The following PRR12 variants were observed in gnomAD, a reference collection of about 807,000 sequenced individuals.
The protein encoded by PRR12 is proline-rich protein 12.
In PRR12, 12 loss-of-function variants were observed where a neutral mutation model predicts 138.0. The ratio of observed to expected loss-of-function variants is 0.09; its 90% CI spans 0.06 to 0.14. PRR12 has a LOEUF of 0.14. Ranked by LOEUF, PRR12 falls within the 10% of genes least tolerant of loss-of-function variation. The probability of loss-of-function intolerance (pLI) is 1.00; values close to 1 mark genes in which losing one functional copy is unlikely to be tolerated. For synonymous variants in PRR12, 1,567 were observed against 1,291.7 expected (o/e 1.21, Z -4.57); for missense variants, 2,692 against 2,861.3 (o/e 0.94, Z 1.35).
chr19:49,592,476 G>A (rs2080735204), intron 1 of PRR12, among the ~76,000 whole-genome samples: 1 of 152,112 alleles, frequency 6.6e-6, no homozygotes, highest in African/African-American at 2.4e-5. Context: ...CTGTGCGTGC[G>A]TGGCTGGCAG....
At chr19:49,621,700 G>C (rs1401483876) in intron 11 of PRR12, 78 bp downstream of exon 11, 12 of 1,193,106 alleles carry the variant, frequency 1.0e-5, no homozygotes, top group Non-Finnish European at 1.3e-5. Flanking sequence ...GGCCGCTGTT[G>C]GCGGGGGTGA....
In PRR12 at chr19:49,599,922, C is replaced by A; in HGVS notation, c.4329C>A (p.Asn1443Lys). 1 of 1,604,316 alleles carries A rather than the reference C, an allele frequency of 6.2e-7. No homozygotes were observed. Among genetic ancestry groups the A allele is most frequent in the Non-Finnish European group, 8.5e-7 (1 of 1,174,386 alleles). The change falls in exon 5 of 14, where the codon AAC becomes AAA. Residue 1443 changes from asparagine to lysine, a missense_variant. By Grantham distance (94) the Asn-to-Lys change is moderately conservative. Transcript: ENST00000418929. The surrounding 1 kb of genome is among the most constrained non-coding windows in gnomAD (Gnocchi z 5.0). ...CTCTTCCGGGGCTCCCCAGTGCCAA[C>A]AGCAATGGCACTCCCGGTGAGCTCT... ...PPPLPGLPSANSNGTPEPPLL... is the reference protein window; with the variant it reads ...PPPLPGLPSAKSNGTPEPPLL...
rs1467528446 is a variant in PRR12, at chr19:49,591,633, C to G, written c.-22C>G. ...CTCCCTCCCTCCCTCCCCCTCCCCC[C>G]AATTTCCACCGCGGCCAATTCATGG... On this transcript the variant is annotated 5_prime_UTR_variant, in exon 1 of 14. Transcript: ENST00000418929. 7.0e-6 allele frequency: 9 copies of G among 1,293,230 alleles called. No homozygotes were observed. The highest frequency in any genetic ancestry group is 8.2e-6 in the Non-Finnish European group (8 of 977,134). 80.1% of individuals were successfully genotyped at this position (1,293,230 alleles called of 1,614,324 possible). A position where few individuals can be genotyped will look rare whatever the true frequency, so the allele number is the denominator to read the frequency against.
Position 49,596,931 on chromosome 19 carries a change from C to G in PRR12, c.2596C>G (p.Pro866Ala). Residue 866 changes from proline to alanine, a missense_variant, in exon 4 of 14, where the codon CCC (proline) becomes GCC (alanine). Physicochemically the swap from Pro to Ala is conservative, Grantham distance 27 (BLOSUM62 -1). Around this residue, in one of 11 missense-constraint regions of PRR12, gnomAD observed 840 missense variants for 689.8 expected, o/e 1.22. Coordinates refer to ENST00000418929, the MANE Select transcript of PRR12 (RefSeq NM_020719.3). This position sits in a 1 kb window ranked among gnomAD's most constrained non-coding sequence, Gnocchi z 5.6. ...TGGCCTGGAGCCCGCGGCCCCCAGC[C>G]CCCGCCTGCGACCCGAGGAGAGCCT... ...SHGLEPAAPS[P>A]RLRPEESLDP... 1 of 1,549,290 alleles carries G rather than the reference C, an allele frequency of 6.5e-7. No individual in the cohort carries two copies. The highest frequency in any genetic ancestry group is 8.7e-7 in the Non-Finnish European group (1 of 1,153,608).
At chr19:49,619,155 T>C (rs1205278614) in intron 9 of PRR12, among the ~76,000 whole-genome samples, 1 of 151,644 alleles carries the variant, frequency 6.6e-6, no homozygotes, top group Non-Finnish European at 1.5e-5. Context: ...AATTAAGTGC[T>C]CTGAGCTATC....
chr19:49,617,648 A>G (rs1384016427), intron 9 of PRR12, among the ~76,000 whole-genome samples: 1 of 152,178 alleles, frequency 6.6e-6, no homozygotes, highest in Non-Finnish European at 1.5e-5. Flanking sequence ...AACTTCTTAA[A>G]TAAATAAAAG....
Position 49,593,358 on chromosome 19 carries a change from C to T in PRR12, c.118C>T (p.Pro40Ser). 6.2e-7 allele frequency: 1 copy of T among 1,612,076 alleles called. No homozygotes were observed. Among genetic ancestry groups the T allele is most frequent in the Non-Finnish European group, 8.5e-7 (1 of 1,179,190 alleles). The change falls in exon 2 of 14, where the codon CCC becomes TCC. Residue 40 changes from proline (P) to serine (S), a missense_variant. Physicochemically the swap from Pro to Ser is moderately conservative, Grantham distance 74. Coordinates refer to ENST00000418929, the MANE Select transcript of PRR12 (RefSeq NM_020719.3). Reference sequence around the variant, plus strand: ...TTATGGCAGCTCCAGGACCTCGCACCCCGAGACGGACATCTTACACCGCCA... The same window carrying T: ...TTATGGCAGCTCCAGGACCTCGCACTCCGAGACGGACATCTTACACCGCCA... ...LVYGSSRTSHPETDILHRQAY... is the reference protein window; with the variant it reads ...LVYGSSRTSHSETDILHRQAY...
At position 49,625,225 on chromosome 19, in the gene PRR12, C is replaced by T. The variant is rs970807854; in HGVS notation, c.5964+25C>T. 12 of 1,602,188 alleles carry T rather than the reference C, an allele frequency of 7.5e-6. No individual in the cohort carries two copies. The highest frequency in any genetic ancestry group is 1.3e-5 in the African/African-American group (1 of 74,632). On this transcript the variant is annotated intron_variant, in intron 13 of 13. Coordinates refer to ENST00000418929, the MANE Select transcript of PRR12 (RefSeq NM_020719.3). This position sits in a 1 kb window ranked among gnomAD's most constrained non-coding sequence, Gnocchi z 5.5. ...GGTGAGCCCCACCCACAGCACCCAT[C>T]GCCCTGGGATTCCAACCTTTCTGAC...
chr19:49,602,633 C>A (rs971679066), intron 6 of PRR12, among the ~76,000 whole-genome samples: 1 of 152,188 alleles, frequency 6.6e-6, no homozygotes, highest in Admixed American at 6.5e-5. Context: ...CTCACTGCAG[C>A]CTCTGCCTCC....
At chr19:49,591,831 C>T in intron 1 of PRR12, 91 bp downstream of exon 1, 1 of 711,332 alleles carries the variant, frequency 1.4e-6, no homozygotes, top group Non-Finnish European at 2.0e-6. Flanking sequence ...CCCGGCGACG[C>T]GTGCATCGCA....
chr19:49,613,102 C>T (rs113853702), intron 6 of PRR12, among the ~76,000 whole-genome samples: 6 of 151,566 alleles, frequency 4.0e-5, no homozygotes, highest in African/African-American at 1.2e-4. Flanking sequence ...TTTGGGAGGC[C>T]GAGGCAGGTG....
intron 6 of PRR12, among the ~76,000 whole-genome samples, chr19:49,611,815 C>T (rs1216750072): frequency 2.8e-5 from 4 of 144,752 alleles, no homozygotes; most frequent in Admixed American, 6.9e-5. Context: ...CCCGGCTACT[C>T]GGGAGGCTGA....
chr19:49,591,808 CG>C, intron 1 of PRR12, 68 bp downstream of exon 1: 1 of 991,000 alleles, frequency 1.0e-6, no homozygotes, highest in Non-Finnish European at 1.3e-6. Flanking sequence ...CGGGCCGGGC[CG>C]GGCCGGGCCC....
chr19:49,593,053 G>A (rs1245622766), intron 1 of PRR12, among the ~76,000 whole-genome samples: 3 of 152,212 alleles, frequency 2.0e-5, no homozygotes, highest in Admixed American at 2.0e-4. Flanking sequence ...CCTCTTCTGT[G>A]TGTTAGTCTC....
At position 49,598,480 on chromosome 19, in the gene PRR12, G is replaced by A. The variant is rs150999047; in HGVS notation, c.3678+467G>A. Among the ~76,000 whole-genome samples the A allele has an allele frequency of 7.7e-3, 1,169 of 152,214 alleles. 20 individuals are homozygous for A. Among genetic ancestry groups the A allele is most frequent in the Non-Finnish European group, 7.2e-3 (488 of 68,016 alleles). Reference sequence around the variant, plus strand: ...TTCTAAAATCTGTGAGGAAGTTAGCGTGAGGAATTTCAGGGTCTCACTGAC... The same window carrying A: ...TTCTAAAATCTGTGAGGAAGTTAGCATGAGGAATTTCAGGGTCTCACTGAC... On this transcript the variant is annotated intron_variant, in intron 4 of 13. Coordinates refer to ENST00000418929, the MANE Select transcript of PRR12 (RefSeq NM_020719.3).
intron 11 of PRR12, 105 bp downstream of exon 11, chr19:49,621,727 G>A (rs1364015517): frequency 2.3e-5 from 21 of 916,176 alleles, no homozygotes; most frequent in Admixed American, 8.6e-5. Context: ...GAAGGAGATC[G>A]TCCTTCTGGG....
At chr19:49,592,423 C>G (rs569973299) in intron 1 of PRR12, among the ~76,000 whole-genome samples, 1 of 152,126 alleles carries the variant, frequency 6.6e-6, no homozygotes, top group Non-Finnish European at 1.5e-5. Context: ...TGGGAAGAGT[C>G]GGATGTTTCC....
At chr19:49,593,747 C>A (rs764297249) in intron 2 of PRR12, among the ~76,000 whole-genome samples, 7 of 152,224 alleles carry the variant, frequency 4.6e-5, no homozygotes, top group Admixed American at 6.6e-5. Context: ...TTCTTTCCCT[C>A]TGGGTTTGCC....
rs767926793 is a variant in PRR12 at position 49,596,863 on chromosome 19, C to T, written c.2528C>T (p.Pro843Leu). 13 of 1,573,508 alleles carry T rather than the reference C, an allele frequency of 8.3e-6. No individual in the cohort carries two copies. The highest frequency in any genetic ancestry group is 1.3e-5 in the African/African-American group (1 of 74,190). Residue 843 changes from proline (P) to leucine (L), a missense_variant, in exon 4 of 14, where the codon CCA becomes CTA. Around this residue, in one of 11 missense-constraint regions of PRR12, gnomAD observed 840 missense variants for 689.8 expected, o/e 1.22. Coordinates refer to ENST00000418929, the MANE Select transcript of PRR12 (RefSeq NM_020719.3). The surrounding 1 kb of genome is among the most constrained non-coding windows in gnomAD (Gnocchi z 5.6). ...CCACCTCCACCGCCACCCCCGCCTC[C>T]ACCACCCATGCCCCTGCAGCTCGAG... ...PQPPPPPPPP[P>L]PPMPLQLEAH...
Sources: allele counts gnomAD v4.1 joint callset (sites outside exome capture counted in the v4.1 genomes callset), GRCh38; gene constraint gnomAD v4.1.1; regional missense constraint gnomAD v4.1.1; non-coding constraint Gnocchi (gnomAD v3.1); transcripts MANE v1.5; gene names NCBI Gene and HGNC (gene_info 2026-07-23, HGNC 2026-07-21).